KLF12: variants seen among roughly 807,000 people sequenced by gnomAD.
KLF12 encodes the protein KLF transcription factor 12.
In KLF12, 9 loss-of-function variants were observed where a neutral mutation model predicts 37.8. The observed-to-expected ratio is 0.24, with a 90% CI of 0.14 to 0.42. The LOEUF (loss-of-function observed/expected upper bound fraction) is 0.42, where lower values mean the gene tolerates loss of function less well. Ranked by LOEUF, KLF12 falls within the 10% of genes least tolerant of loss-of-function variation. The pLI is 1.00. For missense variants in KLF12, 411 were observed against 516.0 expected (o/e 0.80, Z 1.97); for synonymous variants, 208 against 202.1 (o/e 1.03, Z -0.25).
chr13:73,937,591 C>T (rs1035197595), intron 3 of KLF12, among the ~76,000 whole-genome samples: 8 of 152,078 alleles, frequency 5.3e-5, no homozygotes, highest in African/African-American at 1.7e-4. Flanking sequence ...ACCATCAGAG[C>T]GCAGGGACAT....
At chr13:73,779,350 A>C (rs960274298) in intron 5 of KLF12, among the ~76,000 whole-genome samples, 8 of 152,182 alleles carry the variant, frequency 5.3e-5, no homozygotes, top group African/African-American at 1.9e-4. Context: ...GAGTGAGCAC[A>C]ATCACCAGTG....
At chr13:74,075,325 TA>T (rs901708218) in intron 1 of KLF12, among the ~76,000 whole-genome samples, 1 of 152,114 alleles carries the variant, frequency 6.6e-6, no homozygotes, top group African/African-American at 2.4e-5. Flanking sequence ...TAAGCTAGGT[TA>T]AAAAAATAAT....
chr13:73,700,944 A>G (rs1449115633), intron 7 of KLF12, among the ~76,000 whole-genome samples: 1 of 152,226 alleles, frequency 6.6e-6, no homozygotes, highest in Non-Finnish European at 1.5e-5. Context: ...ATGAGAGTAA[A>G]AAAACTAATT....
At chr13:74,225,377 T>C in the KLF12 span, among the ~76,000 whole-genome samples, 1 of 152,204 alleles carries the variant, frequency 6.6e-6, no homozygotes, top group Non-Finnish European at 1.5e-5. Flanking sequence ...ATCAAAGCTA[T>C]GCTGTTAATG....
In KLF12 at chr13:73,717,469, T is replaced by C. The variant is rs140462593; in HGVS notation, c.870-1944A>G. Among the ~76,000 whole-genome samples the C allele has an allele frequency of 1.6e-3, 248 of 152,306 alleles. 2 individuals carry two copies. Among genetic ancestry groups the C allele is most frequent in the African/African-American group, 5.7e-3 (236 of 41,564 alleles). On this transcript the variant is annotated intron_variant, in intron 6 of 7. Transcript: ENST00000377669. ...ACTACTTGTAATTTGCACTTTCATA[T>C]TGCTCCAGTGAATTTTTTCTGAAAG... is the stretch of plus-strand genomic sequence containing the variant.
At chr13:73,812,098 A>G (rs1016572764) in intron 5 of KLF12, among the ~76,000 whole-genome samples, 5 of 152,010 alleles carry the variant, frequency 3.3e-5, no homozygotes, top group Admixed American at 3.3e-4. Context: ...AACCCTCCTC[A>G]TCTTCAAGAT....
At chr13:74,013,126 G>A (rs1566504123) in intron 1 of KLF12, among the ~76,000 whole-genome samples, 1 of 152,212 alleles carries the variant, frequency 6.6e-6, no homozygotes. Context: ...TCATGGGAAC[G>A]GATTCCCTGA....
intron 5 of KLF12, among the ~76,000 whole-genome samples, chr13:73,768,545 A>G (rs987884597): frequency 2.6e-5 from 2 of 76,862 alleles, no homozygotes; most frequent in East Asian, 3.1e-4. Flanking sequence ...GCTTACTCTC[A>G]GGCAGCTCAT....
intron 6 of KLF12, among the ~76,000 whole-genome samples, chr13:73,736,154 T>C (rs534221296): frequency 1.3e-5 from 2 of 152,224 alleles, no homozygotes; most frequent in South Asian, 4.2e-4. Context: ...CCCTACTAAC[T>C]GAAATTCCTT....
chr13:74,242,453 A>C, the KLF12 span, among the ~76,000 whole-genome samples: 1 of 152,226 alleles, frequency 6.6e-6, no homozygotes, highest in Non-Finnish European at 1.5e-5. Flanking sequence ...AGATCTCATT[A>C]GACTTATTCA....
chr13:74,303,271 G>A, the KLF12 span, among the ~76,000 whole-genome samples: 1 of 152,128 alleles, frequency 6.6e-6, no homozygotes, highest in Non-Finnish European at 1.5e-5. Context: ...GCACATGGCA[G>A]TTGCCCCAAG....
chr13:74,093,332 A>G (rs1875786182), intron 1 of KLF12, among the ~76,000 whole-genome samples: 1 of 152,240 alleles, frequency 6.6e-6, no homozygotes, highest in South Asian at 2.1e-4. Flanking sequence ...CCTCTACTGT[A>G]CTGAATCATG....
chr13:74,177,898 A>G, the KLF12 span, among the ~76,000 whole-genome samples: 42,653 of 152,178 alleles, frequency 0.28, 9,489 homozygotes, highest in African/African-American at 0.62. Flanking sequence ...AAATGTTAAG[A>G]AGCTAATATA....
chr13:73,883,647 A>C (rs769491973), intron 3 of KLF12, among the ~76,000 whole-genome samples: 1 of 152,190 alleles, frequency 6.6e-6, no homozygotes, highest in Non-Finnish European at 1.5e-5. Context: ...AGAGCACTCC[A>C]CGGTAAAGCA....
the KLF12 span, among the ~76,000 whole-genome samples, chr13:74,212,535 A>G: frequency 2.6e-5 from 4 of 152,198 alleles, no homozygotes; most frequent in South Asian, 2.1e-4. Context: ...CACAGATGTC[A>G]TGGGAGGACA....
chr13:73,797,682 A>G (rs543815032), intron 5 of KLF12, among the ~76,000 whole-genome samples: 2 of 148,572 alleles, frequency 1.3e-5, no homozygotes, highest in South Asian at 2.1e-4. Context: ...AGGCAGGATG[A>G]TCCCTTGAGC....
chr13:73,795,707 G>C (rs931041154), intron 5 of KLF12, among the ~76,000 whole-genome samples: 1 of 152,178 alleles, frequency 6.6e-6, no homozygotes, highest in African/African-American at 2.4e-5. Flanking sequence ...AATGATAAGA[G>C]ACGGAAGGTT....
chr13:74,083,693 T>C (rs894414036), intron 1 of KLF12, among the ~76,000 whole-genome samples: 4 of 152,252 alleles, frequency 2.6e-5, no homozygotes, highest in Admixed American at 6.5e-5. Context: ...CTCAACAATA[T>C]GAGCTTGACA....
the KLF12 span, among the ~76,000 whole-genome samples, chr13:74,155,131 G>A: frequency 6.6e-6 from 1 of 152,090 alleles, no homozygotes; most frequent in African/African-American, 2.4e-5. Flanking sequence ...CAGGATCCTG[G>A]TTCTGACTTG....
Sources: gnomAD v4.1 joint callset for allele counts (sites outside exome capture counted in the v4.1 genomes callset) on GRCh38, gnomAD v4.1.1 for gene constraint, MANE v1.5 for transcripts, NCBI Gene and HGNC (gene_info 2026-07-23, HGNC 2026-07-21) for gene names.